Variants in ELOVL7 observed in about 807,000 individuals in gnomAD.
ELOVL7 encodes ELOVL fatty acid elongase 7.
ELOVL7 carries 27 observed loss-of-function variants against 35.7 expected under a neutral mutation model. That is an observed-to-expected ratio of 0.76 (90% CI 0.56 to 1.04). The LOEUF is 1.04. Ranked by LOEUF, ELOVL7 falls within the 50% of genes least tolerant of loss-of-function variation. ELOVL7 has a pLI of 0.00. For synonymous variants in ELOVL7, 113 were observed against 114.6 expected, an observed-to-expected ratio of 0.99 and a Z score of 0.09; for missense variants, 327 against 340.8, an observed-to-expected ratio of 0.96 and a Z score of 0.32.
intron 2 of ELOVL7, among the ~76,000 whole-genome samples, chr5:60,792,007 G>A (rs1315492681): frequency 6.6e-6 from 1 of 152,034 alleles, no homozygotes; most frequent in Non-Finnish European, 1.5e-5. Flanking sequence ...TCTAATGCAG[G>A]TCAGAAATAT....
Position 60,752,299 on chromosome 5 carries a change from C to A in ELOVL7, c.*2325G>T, listed in dbSNP as rs1174118400. On this transcript the variant is annotated 3_prime_UTR_variant, in exon 9 of 9. Transcript: ENST00000508821. The stretch of plus-strand genomic sequence containing the variant: ...AGCATTCTGGCTCTCCACTTCTATT[C>A]ATATAATTGAGTATGTGTTTTATTA... The A allele has an allele frequency of 1.3e-5, 2 of 152,522 alleles. No homozygotes were observed. Among genetic ancestry groups the A allele is most frequent in the Non-Finnish European group, 2.9e-5 (2 of 68,012 alleles). The allele number at this position is 152,522 out of a possible 1,614,324, so 9.4% of individuals were successfully genotyped here. A position where few individuals can be genotyped will look rare whatever the true frequency, so the allele number is the denominator to read the frequency against.
At chr5:60,820,957 C>T (rs1444779890) in intron 1 of ELOVL7, among the ~76,000 whole-genome samples, 2 of 152,010 alleles carry the variant, frequency 1.3e-5, no homozygotes, top group Non-Finnish European at 2.9e-5. Flanking sequence ...CTCTTGTCTG[C>T]CTAGTGAATT....
intron 1 of ELOVL7, among the ~76,000 whole-genome samples, chr5:60,824,573 A>G (rs751729869): frequency 1.3e-5 from 2 of 152,238 alleles, no homozygotes; most frequent in Non-Finnish European, 2.9e-5. Flanking sequence ...AATCCTGGCC[A>G]GTCCACCCAG....
chr5:60,815,555 ATAAATAAATAAAATTTATTTATTTT>A (rs1462671563), intron 1 of ELOVL7, among the ~76,000 whole-genome samples: 4 of 12,172 alleles, frequency 3.3e-4, no homozygotes, highest in East Asian at 4.9e-3. Flanking sequence ...TATTTATTTT[ATAAATAAATAAAATTTATTTATTTT>A]TTTTTGAGAC....
At chr5:60,828,863 A>G (rs960327608) in intron 1 of ELOVL7, among the ~76,000 whole-genome samples, 2 of 152,208 alleles carry the variant, frequency 1.3e-5, no homozygotes. Context: ...ACTTTTAGTC[A>G]TAACAAAGTG....
chr5:60,769,795 A>G (rs1742463776), intron 4 of ELOVL7, among the ~76,000 whole-genome samples: 1 of 152,208 alleles, frequency 6.6e-6, no homozygotes. Flanking sequence ...CACACCTGTA[A>G]TCCTAGCACT....
intron 1 of ELOVL7, among the ~76,000 whole-genome samples, chr5:60,805,496 C>G (rs559202200): frequency 6.6e-6 from 1 of 152,230 alleles, no homozygotes; most frequent in Admixed American, 6.5e-5. Context: ...GGAGTCATTA[C>G]AGGTTTCTCA....
intron 6 of ELOVL7, among the ~76,000 whole-genome samples, chr5:60,764,797 A>T (rs1742138867): frequency 6.6e-6 from 1 of 152,136 alleles, no homozygotes; most frequent in South Asian, 2.1e-4. Flanking sequence ...TTAGGAAATT[A>T]TTATTAAAGA....
intron 8 of ELOVL7, 123 bp downstream of exon 8, chr5:60,757,386 G>T (rs919161887): frequency 6.5e-6 from 6 of 916,660 alleles, no homozygotes; most frequent in Non-Finnish European, 9.6e-6. Context: ...ATCATGTAGG[G>T]GCCAGACGCT....
intron 3 of ELOVL7, among the ~76,000 whole-genome samples, chr5:60,781,835 T>A (rs955757638): frequency 3.3e-5 from 5 of 152,220 alleles, no homozygotes; most frequent in African/African-American, 1.2e-4. Flanking sequence ...TCACCTTCTC[T>A]GTATTTAGTT....
At position 60,771,921 on chromosome 5, in the gene ELOVL7, A is replaced by C. The variant is rs760366305; in HGVS notation, c.237T>G (p.Ser79=). 3 of 1,611,486 alleles carry C rather than the reference A, an allele frequency of 1.9e-6. No individual in the cohort carries two copies. The highest frequency in any genetic ancestry group is 2.5e-6 in the Non-Finnish European group (3 of 1,178,840). ...CACTTGCCTCATAACACATATACAC[A>C]GAAAAGAGTACTATGAAAAAATTGT... ...ITYNFFIVLF[S]VYMCYEFVMS... is the part of the protein sequence containing the mutation. The change falls in exon 4 of 9, where the codon TCT becomes TCG. Residue 79 remains serine (S), a synonymous_variant. Transcript: ENST00000508821.
At chr5:60,831,223 G>C (rs1205428752) in intron 1 of ELOVL7, among the ~76,000 whole-genome samples, 1 of 152,284 alleles carries the variant, frequency 6.6e-6, no homozygotes, top group Middle Eastern at 3.4e-3. Context: ...CATGGATAAA[G>C]TCTGTACAGT....
At chr5:60,820,604 C>A (rs532133983) in intron 1 of ELOVL7, among the ~76,000 whole-genome samples, 4 of 152,148 alleles carry the variant, frequency 2.6e-5, no homozygotes, top group African/African-American at 9.7e-5. Context: ...ACTACAGGAA[C>A]ACAGAAAGGC....
At chr5:60,782,965 G>A (rs891180663) in intron 3 of ELOVL7, among the ~76,000 whole-genome samples, 1 of 152,106 alleles carries the variant, frequency 6.6e-6, no homozygotes, top group Admixed American at 6.5e-5. Context: ...ATAAGTATTT[G>A]GTGATGGATA....
At chr5:60,835,359 C>T (rs1424715364) in intron 1 of ELOVL7, among the ~76,000 whole-genome samples, 1 of 151,916 alleles carries the variant, frequency 6.6e-6, no homozygotes, top group African/African-American at 2.4e-5. Flanking sequence ...CAACTACACA[C>T]ACTTTTAAGG....
intron 6 of ELOVL7, among the ~76,000 whole-genome samples, chr5:60,764,641 T>C (rs938534478): frequency 2.0e-5 from 3 of 147,374 alleles, no homozygotes; most frequent in African/African-American, 7.4e-5. Flanking sequence ...AGAAATTGTA[T>C]TGATAAAAAA....
chr5:60,834,434 T>C (rs922562307), intron 1 of ELOVL7, among the ~76,000 whole-genome samples: 56 of 152,342 alleles, frequency 3.7e-4, no homozygotes, highest in East Asian at 1.7e-3. Context: ...CGTGAGCCAC[T>C]GCGCCCGACC....
Position 60,801,364 on chromosome 5 carries a change from A to C in ELOVL7, c.-85-2134T>G, listed in dbSNP as rs78870415. Among the ~76,000 whole-genome samples, 688 of 152,304 alleles carry C rather than the reference A, an allele frequency of 4.5e-3. 5 individuals carry two copies. The highest frequency in any genetic ancestry group is 0.016 in the African/African-American group (652 of 41,576). The stretch of plus-strand genomic sequence containing the variant: ...AAGGCATCCAAATCAGAAAGGAAGA[A>C]GTTAATGTGTCTCCTTGCAGCCAAT... On this transcript the variant is annotated intron_variant, in intron 1 of 8. Coordinates refer to ENST00000508821, the MANE Select transcript of ELOVL7 (RefSeq NM_024930.3).
intron 2 of ELOVL7, among the ~76,000 whole-genome samples, chr5:60,788,792 T>TA (rs201784434): frequency 1.5e-3 from 223 of 147,402 alleles, no homozygotes; most frequent in African/African-American, 4.2e-3. Flanking sequence ...GACTTGGTCT[T>TA]AAAAAAAAAA....
Sources: gnomAD v4.1 joint callset for allele counts (sites outside exome capture counted in the v4.1 genomes callset) on GRCh38, gnomAD v4.1.1 for gene constraint, MANE v1.5 for transcripts, NCBI Gene and HGNC (gene_info 2026-07-23, HGNC 2026-07-21) for gene names.